MICALL1: variants seen among roughly 807,000 people sequenced by gnomAD.
MICALL1 encodes MICAL like 1, also known as MICAL-like protein 1.
In MICALL1, 61 loss-of-function variants were observed where a neutral mutation model predicts 83.7. The ratio of observed to expected loss-of-function variants is 0.73; its 90% CI spans 0.59 to 0.90. MICALL1 has a LOEUF of 0.90. Ranked by LOEUF, MICALL1 falls within the 40% of genes least tolerant of loss-of-function variation. The pLI, the probability that MICALL1 is intolerant of heterozygous loss-of-function variation, is 0.00. For synonymous variants in MICALL1, 481 were observed against 473.6 expected (o/e 1.02, Z -0.20); for missense variants, 1,066 against 1,152.0 (o/e 0.93, Z 1.08).
In MICALL1 at chr22:37,941,455, G is replaced by A. The variant is rs1423748131; in HGVS notation, c.*625G>A. Reference sequence around the variant, plus strand: ...CCCTCTCTCCCTCACAGTTCCAGGAGCGGCTTCCCTCGTCTCCCCTTACTC... The same window carrying A: ...CCCTCTCTCCCTCACAGTTCCAGGAACGGCTTCCCTCGTCTCCCCTTACTC... On this transcript the variant is annotated 3_prime_UTR_variant, in exon 16 of 16. Coordinates refer to ENST00000215957, the MANE Select transcript of MICALL1 (RefSeq NM_033386.4). 1.3e-5 allele frequency: 2 copies of A among 152,560 alleles called. No individual in the cohort carries two copies. Among genetic ancestry groups the A allele is most frequent in the African/African-American group, 4.8e-5 (2 of 41,456 alleles). 9.5% of individuals were successfully genotyped at this position (152,560 alleles called of 1,614,324 possible).
rs550603187 is a variant in MICALL1 at position 37,932,834 on chromosome 22, A to G, written c.2180A>G (p.Lys727Arg). 1 of 1,614,080 alleles carries G rather than the reference A, an allele frequency of 6.2e-7. No individual in the cohort carries two copies. The highest frequency in any genetic ancestry group is 8.5e-7 in the Non-Finnish European group (1 of 1,179,998). Residue 727 changes from lysine to arginine, a missense_variant, in exon 12 of 16, where the codon AAG becomes AGG. By Grantham distance (26) the Lys-to-Arg change is conservative. Coordinates refer to ENST00000215957, the MANE Select transcript of MICALL1 (RefSeq NM_033386.4). This position sits in a 1 kb window ranked among gnomAD's most constrained non-coding sequence, Gnocchi z 4.4. The part of the protein sequence containing the change: ...REDDMLVDWF[K>R]LIHEKHLLVR... ...GATGACATGCTGGTGGACTGGTTCA[A>G]GCTCATCCACGAGAAGCACCTACTG... is the stretch of plus-strand genomic sequence containing the variant.
chr22:37,934,407 A>G (rs568467316), intron 13 of MICALL1, among the ~76,000 whole-genome samples: 6 of 152,156 alleles, frequency 3.9e-5, no homozygotes, highest in African/African-American at 1.4e-4. Flanking sequence ...CAGGCCCCAG[A>G]TATGGAAAAT....
rs1681404702 is a variant in MICALL1 at position 37,942,415 on chromosome 22, C to A, written c.*1585C>A. On this transcript the variant is annotated 3_prime_UTR_variant, in exon 16 of 16. Coordinates refer to ENST00000215957, the MANE Select transcript of MICALL1 (RefSeq NM_033386.4). ...GTGGCCTGTGGGGCTGAATGTGGGC[C>A]CGGTGTTGCCAGATCCTTTGTCATA... is the stretch of plus-strand genomic sequence containing the variant. 1 of 152,178 alleles carries A rather than the reference C, an allele frequency of 6.6e-6. No homozygotes were observed. The highest frequency in any genetic ancestry group is 2.4e-5 in the African/African-American group (1 of 41,442). 9.4% of individuals were successfully genotyped at this position (152,178 alleles called of 1,614,324 possible).
Position 37,906,628 on chromosome 22 carries a change from C to G in MICALL1, c.146+60C>G, listed in dbSNP as rs1181581645. ...GGGCGGGCTGGGGCCGCGACCGCCGCCCCCCCTCAGTAACACGAAGCCCGG... is the reference window on the plus strand; with the variant it reads ...GGGCGGGCTGGGGCCGCGACCGCCGGCCCCCCTCAGTAACACGAAGCCCGG... On this transcript the variant is annotated intron_variant, in intron 1 of 15. Coordinates refer to ENST00000215957, the MANE Select transcript of MICALL1 (RefSeq NM_033386.4). The surrounding 1 kb of genome is among the most constrained non-coding windows in gnomAD (Gnocchi z 4.4). The G allele has an allele frequency of 2.6e-6, 3 of 1,133,012 alleles. No homozygotes were observed. The highest frequency in any genetic ancestry group is 3.3e-6 in the Non-Finnish European group (3 of 921,338). The allele number at this position is 1,133,012 out of a possible 1,614,324, so 70.2% of individuals were successfully genotyped here.
intron 2 of MICALL1, 140 bp from the exon 3 acceptor site, chr22:37,912,211 G>C: frequency 1.7e-6 from 2 of 1,172,660 alleles, no homozygotes; most frequent in Non-Finnish European, 1.2e-6. Context: ...GTGGTGCTTG[G>C]GTGGGATTAA....
rs369177724 is a variant in MICALL1, at chr22:37,927,619, C to T, written c.1674C>T (p.Ser558=). 83 of 1,613,998 alleles carry T rather than the reference C, an allele frequency of 5.1e-5. No individual in the cohort carries two copies. In the Middle Eastern group the frequency reaches 1.8e-3, roughly 35 times the overall value. Residue 558 remains serine, a synonymous_variant, in exon 9 of 16, where the codon TCC becomes TCT. Coordinates refer to ENST00000215957, the MANE Select transcript of MICALL1 (RefSeq NM_033386.4). ...PGNPVSLSTN[S]SLASSGELVE... is the part of the protein sequence containing the mutation. ...ACCCTGTCAGCCTCTCTACCAACTC[C>T]TCCCTGGCCTCCTCTGGGGAACTAG...
chr22:37,921,700 G>A (rs1929041613), intron 5 of MICALL1, among the ~76,000 whole-genome samples: 2 of 152,226 alleles, frequency 1.3e-5, no homozygotes, highest in African/African-American at 2.4e-5. Flanking sequence ...CTCTCAGGGG[G>A]ACCTTTGCTT....
intron 3 of MICALL1, among the ~76,000 whole-genome samples, chr22:37,915,913 C>T (rs955962669): frequency 1.4e-4 from 21 of 152,184 alleles, no homozygotes; most frequent in Admixed American, 7.9e-4. Context: ...TCCCAAAGTG[C>T]TGGGATTACA....
At chr22:37,925,556 GT>G (rs1569143401) in intron 7 of MICALL1, 104 bp from the exon 8 acceptor site, 16 of 728,096 alleles carry the variant, frequency 2.2e-5, no homozygotes, top group Non-Finnish European at 6.9e-6. Flanking sequence ...GGAAACAGCC[GT>G]TTCTCATCCA....
chr22:37,920,782 G>C (rs1056386253), intron 5 of MICALL1, among the ~76,000 whole-genome samples: 1 of 152,088 alleles, frequency 6.6e-6, no homozygotes, highest in African/African-American at 2.4e-5. Flanking sequence ...AATTAGCCGG[G>C]CATGGTGGTG....
chr22:37,934,829 CT>C (rs1485384365), intron 13 of MICALL1, among the ~76,000 whole-genome samples: 3 of 150,940 alleles, frequency 2.0e-5, no homozygotes, highest in Non-Finnish European at 4.4e-5. Context: ...ATCTCCTGAC[CT>C]TGTGATCCAC....
chr22:37,910,414 G>A (rs1245275715), intron 1 of MICALL1, among the ~76,000 whole-genome samples: 1 of 152,016 alleles, frequency 6.6e-6, no homozygotes. Flanking sequence ...AAAAGCCTCT[G>A]TTGGGGGCTG....
chr22:37,914,779 C>T (rs574696814), intron 3 of MICALL1, among the ~76,000 whole-genome samples: 1 of 151,274 alleles, frequency 6.6e-6, no homozygotes, highest in South Asian at 2.1e-4. Flanking sequence ...GAAGCTGGGA[C>T]TACTGGTGCA....
chr22:37,921,824 C>T (rs1261395733), intron 5 of MICALL1, 148 bp from the exon 6 acceptor site: 1 of 605,892 alleles, frequency 1.7e-6, no homozygotes, highest in East Asian at 2.9e-5. Flanking sequence ...TTTTCTTTAT[C>T]CTCTGGGAAG....
At chr22:37,919,406 C>G (rs937867942) in intron 5 of MICALL1, among the ~76,000 whole-genome samples, 3 of 152,182 alleles carry the variant, frequency 2.0e-5, no homozygotes, top group African/African-American at 7.2e-5. Context: ...CCTTCCAGCG[C>G]CTACGCTTTT....
chr22:37,929,991 C>T (rs1184598518), intron 9 of MICALL1, among the ~76,000 whole-genome samples: 1 of 152,248 alleles, frequency 6.6e-6, no homozygotes, highest in Non-Finnish European at 1.5e-5. Context: ...CTCCTCTGGG[C>T]CTCGGGCTCC....
intron 3 of MICALL1, among the ~76,000 whole-genome samples, chr22:37,914,226 T>C (rs1928523163): frequency 1.6e-5 from 2 of 128,144 alleles, no homozygotes; most frequent in South Asian, 4.8e-4. Flanking sequence ...TCTTTTCTTT[T>C]CTTTCTTTTT....
At chr22:37,912,145 C>T in intron 2 of MICALL1, 145 bp downstream of exon 2, 1 of 1,145,130 alleles carries the variant, frequency 8.7e-7, no homozygotes, top group Non-Finnish European at 1.3e-6. Context: ...CCCTCTGCTT[C>T]CCACCAGCCT....
At chr22:37,936,212 G>A (rs906885571) in intron 13 of MICALL1, among the ~76,000 whole-genome samples, 2 of 152,162 alleles carry the variant, frequency 1.3e-5, no homozygotes, top group Non-Finnish European at 2.9e-5. Flanking sequence ...GGCAGGAGGG[G>A]CAGCAGGTGT....
Sources: gnomAD v4.1 joint callset for allele counts (sites outside exome capture counted in the v4.1 genomes callset) on GRCh38, gnomAD v4.1.1 for gene constraint, Gnocchi (gnomAD v3.1) non-coding constraint, MANE v1.5 for transcripts, NCBI Gene and HGNC (gene_info 2026-07-23, HGNC 2026-07-21) for gene names.